The following SAMHD1 variants were observed in gnomAD, a reference collection of about 807,000 sequenced individuals.
SAMHD1 encodes the protein deoxynucleoside triphosphate triphosphohydrolase SAMHD1.
In SAMHD1, 54 loss-of-function variants were observed where a neutral mutation model predicts 79.6. The observed-to-expected ratio is 0.68, with a 90% CI of 0.55 to 0.85. The LOEUF is 0.85. Among genes scored for constraint, SAMHD1 ranks in the 40% least tolerant of loss-of-function variants. The pLI, the probability that SAMHD1 is intolerant of heterozygous loss-of-function variation, is 0.00. For synonymous variants in SAMHD1, 260 were observed against 264.1 expected (o/e 0.98, Z 0.15); for missense variants, 663 against 782.7 (o/e 0.85, Z 1.82).
intron 1 of SAMHD1, among the ~76,000 whole-genome samples, chr20:36,947,551 G>GGTGGGT (rs1491492875): frequency 2.6e-5 from 2 of 75,742 alleles, no homozygotes; most frequent in Non-Finnish European, 4.9e-5. Context: ...TTGGAAGAGG[G>GGTGGGT]GTGTGTGTGT....
intron 11 of SAMHD1, among the ~76,000 whole-genome samples, 158 bp from the exon 12 acceptor site, chr20:36,905,661 G>GA (rs1357894916): frequency 2.0e-5 from 3 of 152,078 alleles, no homozygotes; most frequent in Non-Finnish European, 4.4e-5. Context: ...AGATTTAAGT[G>GA]AAAAAACCTT....
chr20:36,937,855 G>GTT lies in SAMHD1; in HGVS notation c.349-2667_349-2666insAA, dbSNP rs1568780706. On this transcript the variant is annotated intron_variant, in intron 3 of 15. Coordinates refer to ENST00000646673, the MANE Select transcript of SAMHD1 (RefSeq NM_015474.4). ...TTTATAAATGAGGTTAAACAATGTT[G>GTT]GTTTGTTTTTTTTTTTTTTTGAGAC... is the stretch of plus-strand genomic sequence containing the variant. Among the ~76,000 whole-genome samples, 227 of 125,352 alleles carry GTT rather than the reference G, an allele frequency of 1.8e-3. 1 individual carries two copies. The highest frequency in any genetic ancestry group is 7.6e-3 in the African/African-American group (213 of 28,070). The allele number at this position is 125,352 out of a possible 152,430, so 82.2% of individuals were successfully genotyped here.
intron 3 of SAMHD1, 147 bp downstream of exon 3, chr20:36,940,892 A>C: frequency 1.5e-6 from 1 of 668,964 alleles, no homozygotes; most frequent in Non-Finnish European, 2.7e-6. Flanking sequence ...CTCATTTTAG[A>C]AAGTGCAGAA....
Position 36,949,650 on chromosome 20 carries a change from G to A in SAMHD1, c.208+1786C>T, listed in dbSNP as rs1439379058. ...CACATGCCTGTAATCCCAGCTACTC[G>A]GGAGGCTGAGGCAGGAGAATAGCTT... On this transcript the variant is annotated intron_variant, in intron 1 of 15. Coordinates refer to ENST00000646673, the MANE Select transcript of SAMHD1 (RefSeq NM_015474.4). 2.6e-5 allele frequency among the ~76,000 whole-genome samples: 4 copies of A among 150,944 alleles called. No homozygotes were observed. In the East Asian group the frequency reaches 7.8e-4, roughly 29 times the overall value.
chr20:36,910,101 TAG>T lies in SAMHD1; in HGVS notation c.1270+1115_1270+1116del, dbSNP rs1319614334. Among the ~76,000 whole-genome samples the T allele has an allele frequency of 4.6e-5, 7 of 151,760 alleles. No individual in the cohort carries two copies. In the East Asian group the frequency reaches 1.4e-3, roughly 30 times the overall value. On this transcript the variant is annotated intron_variant, in intron 11 of 15. Coordinates refer to ENST00000646673, the MANE Select transcript of SAMHD1 (RefSeq NM_015474.4). The stretch of plus-strand genomic sequence containing the variant: ...AGCCAGGTGTGGTGGCGGGCGCCTG[TAG>T]TCCCAGCTACTCGGGAGGCTGAGGC...
intron 9 of SAMHD1, among the ~76,000 whole-genome samples, chr20:36,915,981 A>C (rs1018597658): frequency 2.0e-5 from 3 of 152,064 alleles, no homozygotes; most frequent in Non-Finnish European, 4.4e-5. Context: ...AACACGGTGA[A>C]ACCCTGTCTC....
intron 2 of SAMHD1, among the ~76,000 whole-genome samples, chr20:36,945,863 C>T (rs571420212): frequency 3.3e-5 from 5 of 151,790 alleles, no homozygotes; most frequent in Admixed American, 6.6e-5. Context: ...GGGATCGCAC[C>T]ATTGCACTCC....
intron 15 of SAMHD1, chr20:36,893,703 T>C: frequency 2.5e-6 from 1 of 392,192 alleles, no homozygotes; most frequent in East Asian, 3.6e-5. Context: ...TAGATCTTCT[T>C]TGGTTACAAG....
intron 9 of SAMHD1, among the ~76,000 whole-genome samples, chr20:36,912,904 T>TG (rs1215128853): frequency 1.4e-5 from 2 of 139,276 alleles, no homozygotes; most frequent in African/African-American, 2.7e-5. Context: ...TTTTTTTTTT[T>TG]TTTTTTTTTT....
Position 36,911,246 on chromosome 20 carries a change from G to A in SAMHD1, c.1242C>T (p.Asp414=), listed in dbSNP as rs151189478. ...TCAGCTTAGTATAGGCTTCCATGTC[G>A]TCAATTGCTGTAGAAATGCGATACT... ...GKKYRISTAI[D]DMEAYTKLTD... Residue 414 remains aspartate (D), a synonymous_variant, in exon 11 of 16, where the codon GAC becomes GAT. Coordinates refer to ENST00000646673, the MANE Select transcript of SAMHD1 (RefSeq NM_015474.4). The A allele has an allele frequency of 4.7e-5, 75 of 1,612,596 alleles. No homozygotes were observed. Among genetic ancestry groups the A allele is most frequent in the Middle Eastern group, 1.6e-4 (1 of 6,078 alleles).
chr20:36,912,890 T>TTTTTTG (rs2063452472), intron 9 of SAMHD1, among the ~76,000 whole-genome samples: 1 of 31,344 alleles, frequency 3.2e-5, no homozygotes, highest in African/African-American at 9.6e-5. Context: ...TCATTCTTTG[T>TTTTTTG]TTTTTTTTTT....
intron 15 of SAMHD1, chr20:36,893,380 T>C (rs1405284431): frequency 4.7e-6 from 2 of 427,962 alleles, no homozygotes; most frequent in Non-Finnish European, 8.5e-6. Context: ...TGTCCTGTTT[T>C]CCCAGGAGAA....
intron 12 of SAMHD1, chr20:36,905,078 G>T: frequency 7.6e-6 from 3 of 396,936 alleles, no homozygotes; most frequent in South Asian, 5.5e-5. Flanking sequence ...GCCAAAATTG[G>T]AGACCCACTC....
intron 6 of SAMHD1, among the ~76,000 whole-genome samples, chr20:36,923,786 C>T (rs928946626): frequency 1.3e-5 from 2 of 151,922 alleles, no homozygotes; most frequent in Non-Finnish European, 2.9e-5. Flanking sequence ...CTGTTCTCCA[C>T]AGAAAGGAAA....
intron 10 of SAMHD1, chr20:36,911,807 T>C (rs921117438): frequency 5.7e-6 from 1 of 175,434 alleles, no homozygotes; most frequent in African/African-American, 2.4e-5. Flanking sequence ...AATGAAGATA[T>C]ACTTCCTCAA....
chr20:36,932,339 G>A lies in SAMHD1; in HGVS notation c.510-1464C>T, dbSNP rs200530092. Among the ~76,000 whole-genome samples the A allele has an allele frequency of 4.1e-3, 376 of 92,304 alleles. 7 individuals carry two copies. The highest frequency in any genetic ancestry group is 0.035 in the East Asian group (98 of 2,762). The allele number at this position is 92,304 out of a possible 152,430, so 60.6% of individuals were successfully genotyped here. A position where few individuals can be genotyped will look rare whatever the true frequency, so the allele number is the denominator to read the frequency against. The stretch of plus-strand genomic sequence containing the variant: ...GCACTCCAGCCTGGGCAACAAGAGC[G>A]AAACTCCGTCTCCAAAAAAAAAAAA... On this transcript the variant is annotated intron_variant, in intron 4 of 15. Transcript: ENST00000646673.
In SAMHD1 at chr20:36,916,839, A is replaced by C. The variant is rs749673654; in HGVS notation, c.954-9T>G. The C allele has an allele frequency of 3.2e-5, 51 of 1,610,132 alleles. 1 individual carries two copies. Among genetic ancestry groups the C allele is most frequent in the Non-Finnish European group, 1.7e-6 (2 of 1,176,458 alleles). On this transcript the variant is annotated splice_polypyrimidine_tract_variant and intron_variant, in intron 8 of 15. Coordinates refer to ENST00000646673, the MANE Select transcript of SAMHD1 (RefSeq NM_015474.4). ...CAAGATGATGGCAGTCCCTAGAAGG[A>C]TTCCAAAACAGAGAGATGAAATTTT...
chr20:36,931,410 C>T, intron 4 of SAMHD1, among the ~76,000 whole-genome samples: 1 of 152,070 alleles, frequency 6.6e-6, no homozygotes, highest in Non-Finnish European at 1.5e-5. Context: ...CTGAGGCGGG[C>T]AGATCACTTG....
At chr20:36,932,734 TGATAAGA>T (rs1359478650) in intron 4 of SAMHD1, among the ~76,000 whole-genome samples, 8 of 151,760 alleles carry the variant, frequency 5.3e-5, no homozygotes, top group African/African-American at 1.7e-4. Context: ...TTTTGTAAGA[TGATAAGA>T]GTTTTGGCAA....
Sources: gnomAD v4.1 joint callset for allele counts (sites outside exome capture counted in the v4.1 genomes callset) on GRCh38, gnomAD v4.1.1 for gene constraint, MANE v1.5 for transcripts, NCBI Gene and HGNC (gene_info 2026-07-23, HGNC 2026-07-21) for gene names.